The following KSR2 variants were observed in gnomAD, a reference collection of about 807,000 sequenced individuals.
KSR2 encodes kinase suppressor of ras 2.
KSR2 carries 25 observed loss-of-function variants against 107.8 expected under a neutral mutation model. That is an observed-to-expected ratio of 0.23 (90% CI 0.17 to 0.32). The LOEUF (loss-of-function observed/expected upper bound fraction) is 0.32, where lower values mean the gene tolerates loss of function less well. KSR2 is among the 10% of genes least tolerant of loss of function. The probability of loss-of-function intolerance (pLI) is 1.00; values close to 1 mark genes in which losing one functional copy is unlikely to be tolerated. For synonymous variants in KSR2, 480 were observed against 507.0 expected, an observed-to-expected ratio of 0.95 and a Z score of 0.71; for missense variants, 887 against 1,268.9, an observed-to-expected ratio of 0.70 and a Z score of 4.57.
At chr12:117,628,939 T>C (rs1416056746) in intron 5 of KSR2, among the ~76,000 whole-genome samples, 1 of 152,214 alleles carries the variant, frequency 6.6e-6, no homozygotes, top group African/African-American at 2.4e-5. Context: ...CAGGCTGCTG[T>C]CTGGCAGATC....
chr12:117,550,688 A>G (rs1366597725), intron 9 of KSR2, among the ~76,000 whole-genome samples: 1 of 152,244 alleles, frequency 6.6e-6, no homozygotes, highest in East Asian at 1.9e-4. Context: ...CATAAGGAGT[A>G]GGAACTATAT....
chr12:117,540,947 G>T (rs1303604118), intron 9 of KSR2, among the ~76,000 whole-genome samples: 1 of 152,238 alleles, frequency 6.6e-6, no homozygotes, highest in African/African-American at 2.4e-5. Flanking sequence ...GGAAAACCTG[G>T]ACTCAAATTC....
At chr12:117,548,951 C>T (rs1351431135) in intron 9 of KSR2, among the ~76,000 whole-genome samples, 1 of 152,186 alleles carries the variant, frequency 6.6e-6, no homozygotes, top group Non-Finnish European at 1.5e-5. Context: ...ATCTCAGACC[C>T]TGTGTGGAAG....
chr12:117,621,716 A>G (rs555108841), intron 5 of KSR2, among the ~76,000 whole-genome samples: 5 of 152,334 alleles, frequency 3.3e-5, no homozygotes, highest in South Asian at 4.1e-4. Flanking sequence ...AGACAATATC[A>G]TTGGAAGAAA....
Position 117,675,737 on chromosome 12 carries a change from C to A in KSR2, c.987-8079G>T, listed in dbSNP as rs142888378. The stretch of plus-strand genomic sequence containing the variant: ...GGTTGTGTCCCCTTCAACTCAGAAG[C>A]CTTTACCCGGCCAAATCCCTCAGCA... On this transcript the variant is annotated intron_variant, in intron 4 of 19. Coordinates refer to ENST00000339824, the MANE Select transcript of KSR2 (RefSeq NM_173598.6). Among the ~76,000 whole-genome samples, 298 of 152,330 alleles carry A rather than the reference C, an allele frequency of 2.0e-3. 2 individuals are homozygous for A. The highest frequency in any genetic ancestry group is 3.7e-3 in the Admixed American group (57 of 15,308).
intron 1 of KSR2, among the ~76,000 whole-genome samples, chr12:117,956,156 A>G (rs925800971): frequency 8.2e-5 from 12 of 147,064 alleles, no homozygotes; most frequent in Admixed American, 2.1e-4. Context: ...AGGCTAAGGC[A>G]GGAGAATGGC....
chr12:117,936,407 G>A (rs1291354394), intron 1 of KSR2, among the ~76,000 whole-genome samples: 1 of 151,732 alleles, frequency 6.6e-6, no homozygotes, highest in African/African-American at 2.4e-5. Context: ...GCTCACTGCA[G>A]CTGCAAATTC....
intron 4 of KSR2, among the ~76,000 whole-genome samples, chr12:117,718,180 C>G (rs1022058406): frequency 1.3e-5 from 2 of 152,192 alleles, no homozygotes; most frequent in African/African-American, 4.8e-5. Context: ...GTAACTTCAT[C>G]TGGATTAACA....
chr12:117,634,370 G>A (rs925354756), intron 5 of KSR2, among the ~76,000 whole-genome samples: 4 of 152,162 alleles, frequency 2.6e-5, no homozygotes, highest in East Asian at 1.9e-4. Context: ...GCCATTGCAT[G>A]CATCAGATCC....
chr12:117,581,552 C>T (rs370400626), intron 6 of KSR2, among the ~76,000 whole-genome samples: 1 of 152,196 alleles, frequency 6.6e-6, no homozygotes, highest in Non-Finnish European at 1.5e-5. Flanking sequence ...CCTCAGTCTG[C>T]CTATCTGTCC....
At chr12:117,523,014 T>C (rs1313800040) in intron 14 of KSR2, among the ~76,000 whole-genome samples, 2 of 152,196 alleles carry the variant, frequency 1.3e-5, no homozygotes, top group Admixed American at 6.5e-5. Flanking sequence ...CACTTCTGTC[T>C]TGTGCAGAGT....
At chr12:117,620,608 A>G (rs949432246) in intron 5 of KSR2, among the ~76,000 whole-genome samples, 21 of 152,322 alleles carry the variant, frequency 1.4e-4, no homozygotes, top group Admixed American at 1.4e-3. Context: ...CAGTGAGCAG[A>G]TATCTGTGCC....
At chr12:117,794,498 GCA>G (rs1400461373) in intron 3 of KSR2, among the ~76,000 whole-genome samples, 2 of 90,640 alleles carry the variant, frequency 2.2e-5, no homozygotes, top group Non-Finnish European at 4.1e-5. Context: ...ACACCAACAT[GCA>G]CACACAACAT....
At chr12:117,835,157 C>G (rs1376114837) in intron 3 of KSR2, among the ~76,000 whole-genome samples, 2 of 152,208 alleles carry the variant, frequency 1.3e-5, no homozygotes, top group Non-Finnish European at 2.9e-5. Flanking sequence ...CCAGAGAAGT[C>G]AGGGGCAGAG....
intron 4 of KSR2, among the ~76,000 whole-genome samples, chr12:117,740,915 C>G (rs1173303155): frequency 6.6e-6 from 1 of 152,066 alleles, no homozygotes; most frequent in East Asian, 1.9e-4. Context: ...GTGTCTGAGG[C>G]CCTCACGGCA....
chr12:117,726,083 G>A (rs991246433), intron 4 of KSR2, among the ~76,000 whole-genome samples: 17 of 152,162 alleles, frequency 1.1e-4, no homozygotes, highest in African/African-American at 2.9e-4. Context: ...CAGGAGAATC[G>A]CTTGAACCTG....
At chr12:117,514,862 T>C (rs976550078) in intron 14 of KSR2, among the ~76,000 whole-genome samples, 1 of 151,972 alleles carries the variant, frequency 6.6e-6, no homozygotes, top group Non-Finnish European at 1.5e-5. Flanking sequence ...CTCTCTAGTT[T>C]CATATCTCTT....
intron 5 of KSR2, among the ~76,000 whole-genome samples, chr12:117,591,799 T>C (rs1880337625): frequency 6.7e-6 from 1 of 149,726 alleles, no homozygotes; most frequent in Non-Finnish European, 1.5e-5. Context: ...AGGTCAGGAG[T>C]TCAAGACCAG....
chr12:117,786,561 A>T (rs1890080614), intron 3 of KSR2, among the ~76,000 whole-genome samples: 2 of 152,218 alleles, frequency 1.3e-5, no homozygotes, highest in African/African-American at 2.4e-5. Context: ...CACGGCTGTA[A>T]TCCCAGCACT....
Sources: gnomAD v4.1 joint callset for allele counts (sites outside exome capture counted in the v4.1 genomes callset) on GRCh38, gnomAD v4.1.1 for gene constraint, MANE v1.5 for transcripts, NCBI Gene and HGNC (gene_info 2026-07-23, HGNC 2026-07-21) for gene names.